NRCAM: variants seen among roughly 807,000 people sequenced by gnomAD.
NRCAM encodes NgCAM-related cell adhesion molecule.
In NRCAM, 83 loss-of-function variants were observed where a neutral mutation model predicts 156.5. The ratio of observed to expected loss-of-function variants is 0.53; its 90% confidence interval spans 0.44 to 0.64. NRCAM has a LOEUF of 0.64. Among genes scored for constraint, NRCAM ranks in the 30% least tolerant of loss-of-function variants. The pLI is 0.00. For synonymous variants in NRCAM, 538 were observed against 563.9 expected, an observed-to-expected ratio of 0.95 and a Z score of 0.65; for missense variants, 1,417 against 1,597.3, an observed-to-expected ratio of 0.89 and a Z score of 1.92.
chr7:108,381,370 TAA>T (rs1187537162), intron 2 of NRCAM, among the ~76,000 whole-genome samples: 1 of 152,160 alleles, frequency 6.6e-6, no homozygotes, highest in Admixed American at 6.5e-5. Context: ...AATCACATGG[TAA>T]ACTGCATAGT....
intron 2 of NRCAM, among the ~76,000 whole-genome samples, chr7:108,313,743 G>T (rs900386399): frequency 7.9e-5 from 12 of 151,976 alleles, no homozygotes; most frequent in Non-Finnish European, 1.5e-5. Flanking sequence ...TATTGTGGAG[G>T]TTTGTGATTT....
chr7:108,203,500 C>G (rs2079282946), intron 13 of NRCAM, among the ~76,000 whole-genome samples: 1 of 151,212 alleles, frequency 6.6e-6, no homozygotes, highest in African/African-American at 2.4e-5. Flanking sequence ...AGTCACAGAT[C>G]AATAACATTG....
intron 2 of NRCAM, among the ~76,000 whole-genome samples, chr7:108,324,226 G>C (rs1247628080): frequency 6.6e-6 from 1 of 152,024 alleles, no homozygotes; most frequent in Non-Finnish European, 1.5e-5. Flanking sequence ...CCACATAAAA[G>C]GCTCTTACAA....
intron 2 of NRCAM, among the ~76,000 whole-genome samples, chr7:108,343,356 G>A (rs867804325): frequency 2.6e-5 from 4 of 152,138 alleles, no homozygotes; most frequent in Admixed American, 6.5e-5. Flanking sequence ...TCAAACATCA[G>A]GAAGCCATTA....
rs140860964 is a variant in NRCAM, at chr7:108,178,185, G to A, written c.2852-73C>T. The A allele has an allele frequency of 4.2e-5, 63 of 1,489,998 alleles. No individual in the cohort carries two copies. The East Asian group carries it at 8.9e-4, about 21-fold the overall frequency. The allele number at this position is 1,489,998 out of a possible 1,614,324, so 92.3% of individuals were successfully genotyped here. ...ACATGTATTAAATTGACATTTCACCGTGCTCGCACGATTCAAGGTTTTGAG... is the reference window on the plus strand; with the variant it reads ...ACATGTATTAAATTGACATTTCACCATGCTCGCACGATTCAAGGTTTTGAG... On this transcript the variant is annotated intron_variant, in intron 25 of 32. Coordinates refer to ENST00000379028, the MANE Select transcript of NRCAM (RefSeq NM_001037132.4).
At chr7:108,259,791 A>G (rs975010374) in intron 3 of NRCAM, among the ~76,000 whole-genome samples, 14 of 152,210 alleles carry the variant, frequency 9.2e-5, no homozygotes, top group African/African-American at 3.1e-4. Flanking sequence ...GGAGCTGAAC[A>G]ATGAGAACAC....
intron 14 of NRCAM, among the ~76,000 whole-genome samples, chr7:108,197,718 G>C (rs754915455): frequency 9.9e-5 from 15 of 152,134 alleles, no homozygotes; most frequent in Non-Finnish European, 5.9e-5. Flanking sequence ...TCTGTAAGTA[G>C]AACAGCTTAT....
intron 11 of NRCAM, among the ~76,000 whole-genome samples, chr7:108,218,417 A>T (rs1313323885): frequency 6.6e-6 from 1 of 152,218 alleles, no homozygotes; most frequent in Non-Finnish European, 1.5e-5. Flanking sequence ...ATTCTATTCA[A>T]CAGCACATGG....
intron 2 of NRCAM, among the ~76,000 whole-genome samples, chr7:108,371,188 A>G (rs1057253428): frequency 5.3e-5 from 8 of 152,194 alleles, no homozygotes; most frequent in African/African-American, 1.9e-4. Context: ...AATTAATTTT[A>G]CCTAGCAGAT....
intron 30 of NRCAM, among the ~76,000 whole-genome samples, chr7:108,161,803 A>G (rs1473322288): frequency 6.6e-6 from 1 of 152,236 alleles, no homozygotes; most frequent in Non-Finnish European, 1.5e-5. Flanking sequence ...GGACATATGT[A>G]GAAGAAATAA....
intron 17 of NRCAM, among the ~76,000 whole-genome samples, chr7:108,192,744 A>G (rs76467935): frequency 0.15 from 23,368 of 152,224 alleles, 2,237 homozygotes; most frequent in Middle Eastern, 0.23. Context: ...GCAGAAAATC[A>G]TGTCATTTTC....
At chr7:108,337,403 G>A (rs1245339991) in intron 2 of NRCAM, among the ~76,000 whole-genome samples, 2 of 151,956 alleles carry the variant, frequency 1.3e-5, no homozygotes, top group Non-Finnish European at 2.9e-5. Context: ...GCTTTTGCTC[G>A]CCATCCACCA....
chr7:108,319,618 A>G (rs2098976287), intron 2 of NRCAM, among the ~76,000 whole-genome samples: 1 of 152,170 alleles, frequency 6.6e-6, no homozygotes, highest in South Asian at 2.1e-4. Context: ...ACCAATTTTG[A>G]AAAGTTGTTA....
intron 7 of NRCAM, 99 bp downstream of exon 7, chr7:108,232,227 C>T (rs979999355): frequency 1.2e-5 from 10 of 847,868 alleles, no homozygotes; most frequent in Non-Finnish European, 1.6e-5. Flanking sequence ...GGAAGCAATG[C>T]CACTGCTTTG....
intron 20 of NRCAM, 102 bp from the exon 21 acceptor site, chr7:108,184,716 A>C: frequency 1.2e-6 from 1 of 858,538 alleles, no homozygotes; most frequent in Non-Finnish European, 1.7e-6. Context: ...CAAGCAACCA[A>C]ACATGAATTA....
At chr7:108,215,633 T>C (rs1229218303) in intron 11 of NRCAM, among the ~76,000 whole-genome samples, 2 of 152,190 alleles carry the variant, frequency 1.3e-5, no homozygotes, top group East Asian at 3.9e-4. Flanking sequence ...TAGCTCTTCT[T>C]GTTGCATTGA....
At chr7:108,365,423 G>A (rs1217034812) in intron 2 of NRCAM, among the ~76,000 whole-genome samples, 2 of 151,994 alleles carry the variant, frequency 1.3e-5, no homozygotes, top group African/African-American at 4.8e-5. Context: ...AGTAATAGTT[G>A]TATATTTTCA....
intron 2 of NRCAM, among the ~76,000 whole-genome samples, chr7:108,322,658 A>G (rs1387374434): frequency 6.6e-6 from 1 of 152,098 alleles, no homozygotes; most frequent in Non-Finnish European, 1.5e-5. Flanking sequence ...TCAGCGGAGG[A>G]GAGTGGCCTA....
At chr7:108,329,551 C>T (rs1005707285) in intron 2 of NRCAM, among the ~76,000 whole-genome samples, 2 of 152,160 alleles carry the variant, frequency 1.3e-5, no homozygotes, top group African/African-American at 2.4e-5. Flanking sequence ...TTTTCAATTA[C>T]GGTTATTCAC....
Sources: allele counts gnomAD v4.1 joint callset (sites outside exome capture counted in the v4.1 genomes callset), GRCh38; gene constraint gnomAD v4.1.1; transcripts MANE v1.5; gene names NCBI Gene and HGNC (gene_info 2026-07-23, HGNC 2026-07-21).